PTPN22: variants seen among roughly 807,000 people sequenced by gnomAD.
PTPN22 encodes tyrosine-protein phosphatase non-receptor type 22.
Under a neutral mutation model 103.3 loss-of-function variants are expected in PTPN22, and 85 were observed. That is an observed-to-expected ratio of 0.82 (90% CI 0.69 to 0.99). The LOEUF is 0.99. Ranked by LOEUF, PTPN22 falls within the 50% of genes least tolerant of loss-of-function variation. The pLI is 0.00. For missense variants in PTPN22, 865 were observed against 936.9 expected (o/e 0.92, Z 1.00); for synonymous variants, 323 against 310.2 (o/e 1.04, Z -0.43).
At chr1:113,821,254 TCA>T (rs1240379322) in intron 19 of PTPN22, among the ~76,000 whole-genome samples, 8 of 152,148 alleles carry the variant, frequency 5.3e-5, no homozygotes, top group African/African-American at 1.9e-4. Context: ...CACATATATA[TCA>T]GAGGAAACTG....
At chr1:113,816,102 T>C (rs1661124491) in intron 20 of PTPN22, among the ~76,000 whole-genome samples, 1 of 152,232 alleles carries the variant, frequency 6.6e-6, no homozygotes, top group Admixed American at 6.5e-5. Flanking sequence ...CCTAAACCTT[T>C]AATTTCATCA....
intron 19 of PTPN22, among the ~76,000 whole-genome samples, chr1:113,820,607 A>G (rs929537946): frequency 1.9e-4 from 29 of 152,310 alleles, no homozygotes; most frequent in African/African-American, 7.0e-4. Context: ...TGATATATTC[A>G]TGTATCAGTT....
rs1664889440 is a variant in PTPN22, at chr1:113,854,639, T to C, written c.684-102A>G. Reference sequence around the variant, plus strand: ...TCACCAGCAGATTTGAGGAAGAAGATACCTGGGGACAATTAAACTTTCCAA... The same window carrying C: ...TCACCAGCAGATTTGAGGAAGAAGACACCTGGGGACAATTAAACTTTCCAA... On this transcript the variant is annotated intron_variant, in intron 8 of 20. Transcript: ENST00000359785. 5 of 1,220,514 alleles carry C rather than the reference T, an allele frequency of 4.1e-6. No individual in the cohort carries two copies. In the South Asian group the frequency reaches 6.5e-5, roughly 16 times the overall value. The allele number at this position is 1,220,514 out of a possible 1,614,324, so 75.6% of individuals were successfully genotyped here.
intron 18 of PTPN22, chr1:113,829,286 T>TGCCA (rs1244369871): frequency 5.7e-6 from 1 of 176,404 alleles, no homozygotes; most frequent in African/African-American, 2.4e-5. Context: ...GGGGTATGTG[T>TGCCA]GCCAGTTTGT....
At chr1:113,828,384 T>G (rs185988914) in intron 18 of PTPN22, among the ~76,000 whole-genome samples, 5 of 152,284 alleles carry the variant, frequency 3.3e-5, no homozygotes. Context: ...TTGAGGTTTT[T>G]GTTTTTGTTT....
chr1:113,829,841 T>A, intron 17 of PTPN22, 108 bp downstream of exon 17: 1 of 1,237,152 alleles, frequency 8.1e-7, no homozygotes, highest in Non-Finnish European at 1.2e-6. Flanking sequence ...TAAAATGTAT[T>A]CTTTTGTGTA....
chr1:113,852,547 G>A (rs1664664617), intron 9 of PTPN22, among the ~76,000 whole-genome samples: 1 of 152,184 alleles, frequency 6.6e-6, no homozygotes. Flanking sequence ...AAGCATCTTT[G>A]GATAAAGGAA....
chr1:113,855,790 C>A (rs1665004816), intron 7 of PTPN22, among the ~76,000 whole-genome samples: 2 of 152,162 alleles, frequency 1.3e-5, no homozygotes, highest in Admixed American at 6.5e-5. Context: ...TAGTTCAAAC[C>A]AGTGTTTCCC....
intron 16 of PTPN22, 73 bp from the exon 17 acceptor site, chr1:113,830,102 T>G: frequency 9.6e-7 from 1 of 1,046,266 alleles, no homozygotes; most frequent in Non-Finnish European, 1.4e-6. Flanking sequence ...CCCTTTTCTC[T>G]TTGTATAATT....
intron 1 of PTPN22, 97 bp downstream of exon 1, chr1:113,871,440 T>C (rs1290974198): frequency 1.0e-6 from 1 of 983,588 alleles, no homozygotes; most frequent in East Asian, 2.4e-5. Context: ...TCATATTTAC[T>C]TTATCCCAAG....
At chr1:113,839,752 A>G (rs1414492175) in intron 11 of PTPN22, among the ~76,000 whole-genome samples, 2 of 152,286 alleles carry the variant, frequency 1.3e-5, no homozygotes, top group African/African-American at 2.4e-5. Context: ...AAAACCCATA[A>G]CTAACATCAT....
chr1:113,867,894 A>AT (rs1666248090), intron 1 of PTPN22, among the ~76,000 whole-genome samples: 1 of 152,028 alleles, frequency 6.6e-6, no homozygotes, highest in Admixed American at 6.6e-5. Flanking sequence ...TTCCAGGACC[A>AT]CCCCCTTCAA....
intron 1 of PTPN22, among the ~76,000 whole-genome samples, chr1:113,867,599 A>G (rs924094717): frequency 6.6e-6 from 1 of 152,204 alleles, no homozygotes; most frequent in Non-Finnish European, 1.5e-5. Flanking sequence ...AGACATATCT[A>G]TTGCCTTATA....
intron 5 of PTPN22, 85 bp downstream of exon 5, chr1:113,857,653 C>T: frequency 7.9e-7 from 1 of 1,261,998 alleles, no homozygotes; most frequent in Non-Finnish European, 1.1e-6. Context: ...TCTAGGTACA[C>T]TCAGGTAAGT....
intron 1 of PTPN22, among the ~76,000 whole-genome samples, chr1:113,862,076 C>T (rs1218288474): frequency 4.6e-5 from 7 of 151,732 alleles, no homozygotes; most frequent in African/African-American, 1.7e-4. Context: ...GTCAGGAGTT[C>T]GAGACCAGCC....
rs1664883227 is a variant in PTPN22 at position 113,854,540 on chromosome 1, G to A, written c.684-3C>T. 2.5e-6 allele frequency: 4 copies of A among 1,612,006 alleles called. No individual in the cohort carries two copies. The highest frequency in any genetic ancestry group is 3.3e-5 in the Admixed American group (2 of 59,994). On this transcript the variant is annotated splice_region_variant and splice_polypyrimidine_tract_variant and intron_variant, in intron 8 of 20. Coordinates refer to ENST00000359785, the Ensembl canonical transcript of PTPN22. ...CACCAGTCCTTCCACAGCCAGCACTGAAATGAAAGATCACAGTAGCATGTA... is the reference window on the plus strand; with the variant it reads ...CACCAGTCCTTCCACAGCCAGCACTAAAATGAAAGATCACAGTAGCATGTA...
intron 11 of PTPN22, among the ~76,000 whole-genome samples, chr1:113,841,900 G>A (rs938249635): frequency 6.6e-6 from 1 of 152,134 alleles, no homozygotes; most frequent in Non-Finnish European, 1.5e-5. Flanking sequence ...ACCGCATACA[G>A]CCTCAATTAA....
chr1:113,852,159 C>T (rs1664624044), intron 9 of PTPN22, 55 bp from the exon 10 acceptor site: 1 of 1,336,350 alleles, frequency 7.5e-7, no homozygotes, highest in South Asian at 1.2e-5. Flanking sequence ...TAAATTATTG[C>T]TACTTTTTCA....
At chr1:113,816,638 G>A (rs1661175917) in intron 20 of PTPN22, among the ~76,000 whole-genome samples, 1 of 152,086 alleles carries the variant, frequency 6.6e-6, no homozygotes, top group Admixed American at 6.5e-5. Context: ...GCCAGGCGTG[G>A]TGGCTCACAC....
Sources: allele counts gnomAD v4.1 joint callset (sites outside exome capture counted in the v4.1 genomes callset), GRCh38; gene constraint gnomAD v4.1.1; transcripts MANE v1.5; gene names NCBI Gene and HGNC (gene_info 2026-07-23, HGNC 2026-07-21).